The following PTPRN2 variants were observed in gnomAD, a reference collection of about 807,000 sequenced individuals.
The protein encoded by PTPRN2 is protein tyrosine phosphatase receptor type N2.
In PTPRN2, 74 loss-of-function variants were observed where a neutral mutation model predicts 118.8. The ratio of observed to expected loss-of-function variants is 0.62; its 90% CI spans 0.52 to 0.76. PTPRN2 has a LOEUF of 0.76. PTPRN2 is among the 30% of genes least tolerant of loss of function. The pLI, the probability that PTPRN2 is intolerant of heterozygous loss-of-function variation, is 0.00. For synonymous variants in PTPRN2, 641 were observed against 608.0 expected (o/e 1.05, Z -0.80); for missense variants, 1,481 against 1,394.4 (o/e 1.06, Z -0.99).
In PTPRN2 at chr7:157,794,896, T is replaced by G. The variant is rs1804765772; in HGVS notation, c.1788+103777A>C. Among the ~76,000 whole-genome samples the G allele has an allele frequency of 6.6e-6, 1 of 152,220 alleles. No individual in the cohort carries two copies. The highest frequency in any genetic ancestry group is 6.5e-5 in the Admixed American group (1 of 15,288). ...CATTGTCATGCTAAAGCACATCACC[T>G]CGGTCCTCAGAGAGGAGGGATTTCC... On this transcript the variant is annotated intron_variant, in intron 12 of 22. Coordinates refer to ENST00000389418, the MANE Select transcript of PTPRN2 (RefSeq NM_002847.5). The surrounding 1 kb of genome is among the most constrained non-coding windows in gnomAD (Gnocchi z 5.2).
intron 1 of PTPRN2, among the ~76,000 whole-genome samples, chr7:158,560,186 TG>T (rs1827289338): frequency 6.6e-6 from 1 of 152,244 alleles, no homozygotes; most frequent in African/African-American, 2.4e-5. Context: ...ACCGTGTGGA[TG>T]GATGGACCAC....
At chr7:158,109,591 C>A (rs1816032107) in intron 10 of PTPRN2, among the ~76,000 whole-genome samples, 1 of 151,356 alleles carries the variant, frequency 6.6e-6, no homozygotes, top group South Asian at 2.1e-4. Context: ...TGACATCACC[C>A]TGCGTGTAGG....
rs372079746 is a variant in PTPRN2 at position 158,112,159 on chromosome 7, G to C, written c.1557-1244C>G. 2.5e-3 allele frequency among the ~76,000 whole-genome samples: 388 copies of C among 152,284 alleles called. 2 individuals carry two copies. The highest frequency in any genetic ancestry group is 8.9e-3 in the African/African-American group (370 of 41,542). On this transcript the variant is annotated intron_variant, in intron 9 of 22. Coordinates refer to ENST00000389418, the MANE Select transcript of PTPRN2 (RefSeq NM_002847.5). ...AAGATGGATTTCCCACTTTGGAAGT[G>C]TGCGCCAGCAGCCCAGGCAGACTAG...
intron 2 of PTPRN2, among the ~76,000 whole-genome samples, chr7:158,342,753 G>T (rs1051810102): frequency 1.3e-5 from 2 of 152,140 alleles, no homozygotes; most frequent in African/African-American, 4.8e-5. Flanking sequence ...GCCCATAGAG[G>T]AATGGGCAGC....
In PTPRN2 at chr7:157,874,403, TC is replaced by T. The variant is rs955824153; in HGVS notation, c.1788+24269del. 1.3e-5 allele frequency among the ~76,000 whole-genome samples: 2 copies of T among 152,082 alleles called. No homozygotes were observed. The highest frequency in any genetic ancestry group is 4.8e-5 in the African/African-American group (2 of 41,426). ...AGCTCCTGCTTTCTGCCCCCTCCTG[TC>T]CCCTCTCTCCTGCCCTGCCCCGATC... On this transcript the variant is annotated intron_variant, in intron 12 of 22. Transcript: ENST00000389418. The surrounding 1 kb of genome is among the most constrained non-coding windows in gnomAD (Gnocchi z 5.8).
chr7:158,017,405 T>TAGGCTCC (rs373637953), intron 11 of PTPRN2, among the ~76,000 whole-genome samples: 7,367 of 152,090 alleles, frequency 0.048, 241 homozygotes, highest in Admixed American at 0.084. Context: ...GAGAAGGGTC[T>TAGGCTCC]AGGCTCCAGG....
At chr7:157,958,978 A>C (rs1801357560) in intron 11 of PTPRN2, among the ~76,000 whole-genome samples, 1 of 152,230 alleles carries the variant, frequency 6.6e-6, no homozygotes. Context: ...TTGCTGATTT[A>C]AACTTACAAC....
chr7:158,496,357 C>T (rs1229208377), intron 1 of PTPRN2, among the ~76,000 whole-genome samples: 1 of 78,346 alleles, frequency 1.3e-5, no homozygotes, highest in Admixed American at 1.3e-4. Context: ...CCCTTCCCTG[C>T]GCCCCTTCCC....
intron 5 of PTPRN2, among the ~76,000 whole-genome samples, chr7:158,175,573 G>A (rs73746405): frequency 0.02 from 3,082 of 152,268 alleles, 94 homozygotes; most frequent in African/African-American, 0.071. Context: ...GGAAATAATT[G>A]TGGTGTCATT....
At chr7:158,489,592 G>T in intron 2 of PTPRN2, 143 bp downstream of exon 2, 1 of 775,934 alleles carries the variant, frequency 1.3e-6, no homozygotes, top group South Asian at 2.3e-5. Flanking sequence ...CCATGGCTCC[G>T]GGGTTCCATC....
chr7:158,319,829 T>C lies in PTPRN2; in HGVS notation c.164-2897A>G, dbSNP rs368347348. On this transcript the variant is annotated intron_variant, in intron 2 of 22. Coordinates refer to ENST00000389418, the MANE Select transcript of PTPRN2 (RefSeq NM_002847.5). The stretch of plus-strand genomic sequence containing the variant: ...CACAGCCTCCCTCACACACACTCAG[T>C]CTCCCTCACACACACACACAGCCTC... Among the ~76,000 whole-genome samples, 30 of 3,692 alleles carry C rather than the reference T, an allele frequency of 8.1e-3. 8 individuals carry two copies. Among genetic ancestry groups the C allele is most frequent in the Middle Eastern group, 0.17 (2 of 12 alleles). 2.4% of individuals were successfully genotyped at this position (3,692 alleles called of 152,430 possible). A position where few individuals can be genotyped will look rare whatever the true frequency, so the allele number is the denominator to read the frequency against.
chr7:157,576,156 T>G (rs917635147), intron 19 of PTPRN2, among the ~76,000 whole-genome samples: 1 of 152,122 alleles, frequency 6.6e-6, no homozygotes, highest in African/African-American at 2.4e-5. Flanking sequence ...AAAATAGCCC[T>G]AAAAATACAG....
chr7:158,006,993 C>G (rs1418168033), intron 11 of PTPRN2, among the ~76,000 whole-genome samples: 1 of 152,152 alleles, frequency 6.6e-6, no homozygotes, highest in Non-Finnish European at 1.5e-5. Context: ...TACTCCGTCA[C>G]AGTTCTGGGG....
At chr7:157,762,030 A>T (rs1324410314) in intron 12 of PTPRN2, among the ~76,000 whole-genome samples, 1 of 152,170 alleles carries the variant, frequency 6.6e-6, no homozygotes, top group Non-Finnish European at 1.5e-5. Flanking sequence ...AATGCAAATC[A>T]AAACCACAAT....
intron 17 of PTPRN2, among the ~76,000 whole-genome samples, chr7:157,584,526 A>C (rs929908256): frequency 3.9e-5 from 6 of 152,256 alleles, no homozygotes; most frequent in African/African-American, 1.4e-4. Context: ...TCAGTTTTTA[A>C]AAAAACAAGC....
chr7:157,810,686 C>T (rs1284638846), intron 12 of PTPRN2, among the ~76,000 whole-genome samples: 3 of 104,584 alleles, frequency 2.9e-5, no homozygotes, highest in Admixed American at 1.1e-4. Flanking sequence ...ACGGGGACGG[C>T]GGGACTTCTG....
chr7:158,143,161 A>G (rs1386560406), intron 6 of PTPRN2, among the ~76,000 whole-genome samples: 1 of 152,192 alleles, frequency 6.6e-6, no homozygotes. Context: ...TGCTGGCAAC[A>G]AAGGGCTCAC....
chr7:157,639,627 T>C (rs916236089), intron 14 of PTPRN2, among the ~76,000 whole-genome samples: 42 of 152,342 alleles, frequency 2.8e-4, no homozygotes, highest in African/African-American at 9.1e-4. Context: ...CTGAAGCCGC[T>C]CAAGCCCTGG....
chr7:158,164,918 C>G (rs1822790941), intron 6 of PTPRN2, among the ~76,000 whole-genome samples: 1 of 152,142 alleles, frequency 6.6e-6, no homozygotes, highest in East Asian at 1.9e-4. Context: ...TGAGGCCACA[C>G]TGAGCTGGAG....
Sources: gnomAD v4.1 joint callset for allele counts (sites outside exome capture counted in the v4.1 genomes callset) on GRCh38, gnomAD v4.1.1 for gene constraint, Gnocchi (gnomAD v3.1) non-coding constraint, MANE v1.5 for transcripts, NCBI Gene and HGNC (gene_info 2026-07-23, HGNC 2026-07-21) for gene names.